WASF3: variants seen among roughly 807,000 people sequenced by gnomAD.
The protein encoded by WASF3 is actin-binding protein WASF3.
In WASF3, 11 loss-of-function variants were observed where a neutral mutation model predicts 46.6. The ratio of observed to expected loss-of-function variants is 0.24; its 90% CI spans 0.15 to 0.39. The LOEUF is 0.39. Among genes scored for constraint, WASF3 ranks in the 10% least tolerant of loss-of-function variants. WASF3 has a pLI of 1.00. For synonymous variants in WASF3, 242 were observed against 259.7 expected, an observed-to-expected ratio of 0.93 and a Z score of 0.65; for missense variants, 576 against 669.8, an observed-to-expected ratio of 0.86 and a Z score of 1.55.
intron 6 of WASF3, 80 bp downstream of exon 6, chr13:26,672,069 G>A: frequency 8.7e-7 from 1 of 1,150,160 alleles, no homozygotes; most frequent in Non-Finnish European, 1.3e-6. Flanking sequence ...TTATTTAAAT[G>A]GTTGAGATAT....
chr13:26,623,757 G>C (rs1269060747), intron 2 of WASF3, among the ~76,000 whole-genome samples: 7 of 152,258 alleles, frequency 4.6e-5, no homozygotes, highest in African/African-American at 1.7e-4. Context: ...TGGTAACGTA[G>C]CAATAACAGT....
intron 2 of WASF3, among the ~76,000 whole-genome samples, chr13:26,614,775 C>A (rs1351445013): frequency 6.6e-6 from 1 of 152,132 alleles, no homozygotes; most frequent in Admixed American, 6.5e-5. Flanking sequence ...CATCTCACCA[C>A]AGCCTTTTGA....
chr13:26,569,391 G>A (rs1879566929), intron 1 of WASF3, among the ~76,000 whole-genome samples: 2 of 152,156 alleles, frequency 1.3e-5, no homozygotes, highest in Admixed American at 6.5e-5. Flanking sequence ...CGAACAGAGT[G>A]TTCTATAAAT....
intron 3 of WASF3, among the ~76,000 whole-genome samples, chr13:26,654,157 C>T (rs1882399606): frequency 6.6e-6 from 1 of 152,198 alleles, no homozygotes; most frequent in African/African-American, 2.4e-5. Context: ...CCCGCCCCAA[C>T]ACAAAGGGAA....
At chr13:26,677,566 T>C (rs1178827348) in intron 7 of WASF3, among the ~76,000 whole-genome samples, 1 of 152,236 alleles carries the variant, frequency 6.6e-6, no homozygotes, top group Non-Finnish European at 1.5e-5. Flanking sequence ...ACTCAGTGTT[T>C]AGCACAAACT....
chr13:26,599,037 A>C (rs917167999), intron 1 of WASF3, among the ~76,000 whole-genome samples: 2 of 151,858 alleles, frequency 1.3e-5, no homozygotes, highest in African/African-American at 2.4e-5. Flanking sequence ...CGCCTGGCTA[A>C]TTTTTGTATT....
At chr13:26,576,842 T>C in intron 1 of WASF3, 1 of 556,102 alleles carries the variant, frequency 1.8e-6, no homozygotes, top group Non-Finnish European at 3.2e-6. Flanking sequence ...TACGTAACTA[T>C]AGTATAATAT....
chr13:26,558,290 C>A (rs1440910121), intron 1 of WASF3, among the ~76,000 whole-genome samples: 1 of 152,148 alleles, frequency 6.6e-6, no homozygotes, highest in African/African-American at 2.4e-5. Context: ...CTCCGCGTGC[C>A]CCCCGGCCCC....
chr13:26,614,704 C>G (rs1416203424), intron 2 of WASF3, among the ~76,000 whole-genome samples: 2 of 152,080 alleles, frequency 1.3e-5, no homozygotes, highest in African/African-American at 4.8e-5. Context: ...TATTTTTTAA[C>G]ACGGATACTG....
upstream of WASF3, among the ~76,000 whole-genome samples, chr13:26,554,347 T>C (rs1879054302): frequency 6.6e-6 from 1 of 151,822 alleles, no homozygotes; most frequent in African/African-American, 2.4e-5. Flanking sequence ...CCCAGGCTGG[T>C]CTCAAATTCC....
At chr13:26,565,921 C>T (rs1337852787) in intron 1 of WASF3, among the ~76,000 whole-genome samples, 1 of 152,042 alleles carries the variant, frequency 6.6e-6, no homozygotes, top group East Asian at 1.9e-4. Flanking sequence ...ATGTCCAGTT[C>T]CCACCCCTCA....
At chr13:26,665,991 G>C (rs1265403114) in intron 4 of WASF3, among the ~76,000 whole-genome samples, 1 of 152,090 alleles carries the variant, frequency 6.6e-6, no homozygotes, top group African/African-American at 2.4e-5. Flanking sequence ...TATATCTATA[G>C]AGTAGTATTG....
chr13:26,609,888 C>G (rs1456854868), intron 1 of WASF3, among the ~76,000 whole-genome samples: 2 of 152,302 alleles, frequency 1.3e-5, no homozygotes, highest in African/African-American at 2.4e-5. Flanking sequence ...ACAACTATCT[C>G]AAGCCAAAAA....
chr13:26,588,879 C>T (rs1020335542), intron 1 of WASF3, among the ~76,000 whole-genome samples: 1 of 152,168 alleles, frequency 6.6e-6, no homozygotes, highest in Non-Finnish European at 1.5e-5. Flanking sequence ...CTCACTGCAG[C>T]CTTGACCTCC....
intron 3 of WASF3, among the ~76,000 whole-genome samples, chr13:26,652,657 A>G (rs1882347409): frequency 6.6e-6 from 1 of 152,244 alleles, no homozygotes; most frequent in South Asian, 2.1e-4. Context: ...GAGAGTGATG[A>G]TAATGAGATA....
intron 1 of WASF3, among the ~76,000 whole-genome samples, chr13:26,564,628 C>T (rs1879401775): frequency 6.6e-6 from 1 of 152,100 alleles, no homozygotes; most frequent in Non-Finnish European, 1.5e-5. Flanking sequence ...TATTGCAGTA[C>T]CAAAGTATAG....
intron 1 of WASF3, among the ~76,000 whole-genome samples, chr13:26,568,701 G>A (rs1879545660): frequency 6.6e-6 from 1 of 152,176 alleles, no homozygotes; most frequent in Non-Finnish European, 1.5e-5. Context: ...CAGCTCAGCA[G>A]GATACACCAC....
intron 3 of WASF3, among the ~76,000 whole-genome samples, chr13:26,648,930 G>T (rs1016802347): frequency 9.9e-5 from 15 of 152,226 alleles, no homozygotes; most frequent in African/African-American, 3.6e-4. Flanking sequence ...TTTCTTAAGG[G>T]TATTGTAGAA....
At chr13:26,554,096 C>CTTCTTTCTTTTTCTTTCT (rs1879039523), upstream of WASF3, among the ~76,000 whole-genome samples, 1 of 7,386 alleles carries the variant, frequency 1.4e-4, no homozygotes, top group East Asian at 5.6e-3. Context: ...TCCTTCCTTC[C>CTTCTTTCTTTTTCTTTCT]TTCTTTCTTT....
Sources: allele counts gnomAD v4.1 joint callset (sites outside exome capture counted in the v4.1 genomes callset), GRCh38; gene constraint gnomAD v4.1.1; transcripts MANE v1.5; gene names NCBI Gene and HGNC (gene_info 2026-07-23, HGNC 2026-07-21).